Variants in TBL1XR1 observed in about 807,000 individuals in gnomAD.
TBL1XR1 encodes F-box-like/WD repeat-containing protein TBL1XR1.
In TBL1XR1, 5 loss-of-function variants were observed where a neutral mutation model predicts 66.9. That is an observed-to-expected ratio of 0.07 (90% CI 0.04 to 0.16). The LOEUF is 0.16. Ranked by LOEUF, TBL1XR1 falls within the 10% of genes least tolerant of loss-of-function variation. The probability of loss-of-function intolerance (pLI) is 1.00; values close to 1 mark genes in which losing one functional copy is unlikely to be tolerated. For missense variants in TBL1XR1, 238 were observed against 623.2 expected, an observed-to-expected ratio of 0.38 and a Z score of 6.58; for synonymous variants, 210 against 206.0, an observed-to-expected ratio of 1.02 and a Z score of -0.17.
intron 1 of TBL1XR1, among the ~76,000 whole-genome samples, chr3:177,117,897 T>C (rs1042825537): frequency 3.9e-5 from 6 of 152,176 alleles, no homozygotes; most frequent in Non-Finnish European, 7.4e-5. Context: ...CAATAACCAC[T>C]GAACATTCTG....
intron 1 of TBL1XR1, among the ~76,000 whole-genome samples, chr3:177,189,687 G>A (rs1186282951): frequency 2.2e-5 from 3 of 137,960 alleles, no homozygotes; most frequent in African/African-American, 3.1e-5. Context: ...CACCAAATTA[G>A]TTGCCTTTAT....
chr3:177,076,117 G>A (rs1268363163), intron 2 of TBL1XR1, among the ~76,000 whole-genome samples: 3 of 152,206 alleles, frequency 2.0e-5, no homozygotes, highest in Non-Finnish European at 4.4e-5. Context: ...TTCTGGCCAT[G>A]TCCTCCTCAT....
intron 1 of TBL1XR1, among the ~76,000 whole-genome samples, chr3:177,176,121 G>T (rs147093324): frequency 6.6e-6 from 1 of 151,718 alleles, no homozygotes. Context: ...TGATATCTGG[G>T]GGAAAATTTA....
chr3:177,035,134 C>G lies in TBL1XR1; in HGVS notation c.1123-809G>C, dbSNP rs561073848. Reference sequence around the variant, plus strand: ...TTTGGTGCCCTATGTATTTACAACCCCAAGTAAAATAAATCTGAACGACAT... The same window carrying G: ...TTTGGTGCCCTATGTATTTACAACCGCAAGTAAAATAAATCTGAACGACAT... On this transcript the variant is annotated intron_variant, in intron 12 of 15. Coordinates refer to ENST00000457928, the MANE Select transcript of TBL1XR1 (RefSeq NM_024665.7). 5.9e-5 allele frequency among the ~76,000 whole-genome samples: 9 copies of G among 152,170 alleles called. No individual in the cohort carries two copies. The East Asian group carries it at 1.7e-3, about 29-fold the overall frequency.
In TBL1XR1 at chr3:177,157,050, A is replaced by G. The variant is rs116214329; in HGVS notation, c.-122+40071T>C. 8.5e-3 allele frequency among the ~76,000 whole-genome samples: 1,302 copies of G among 152,282 alleles called. 20 individuals are homozygous for G. The highest frequency in any genetic ancestry group is 0.03 in the African/African-American group (1,249 of 41,550). Reference sequence around the variant, plus strand: ...CTAAAATGAAGGTGTAAACAGGTGTAATCATTCCTCTCTGGGCCAGGCACA... The same window carrying G: ...CTAAAATGAAGGTGTAAACAGGTGTGATCATTCCTCTCTGGGCCAGGCACA... On this transcript the variant is annotated intron_variant, in intron 1 of 15. Coordinates refer to ENST00000457928, the MANE Select transcript of TBL1XR1 (RefSeq NM_024665.7).
chr3:177,053,103 C>CACAAAACAAA (rs549067290), intron 4 of TBL1XR1, among the ~76,000 whole-genome samples: 1 of 152,086 alleles, frequency 6.6e-6, no homozygotes, highest in African/African-American at 2.4e-5. Context: ...TTCCGTCACA[C>CACAAAACAAA]ACAAAACAAA....
intron 1 of TBL1XR1, among the ~76,000 whole-genome samples, chr3:177,157,867 A>G (rs1161439441): frequency 6.6e-6 from 1 of 152,220 alleles, no homozygotes; most frequent in Non-Finnish European, 1.5e-5. Context: ...TGGTAGTTGC[A>G]CAGGTATATA....
chr3:177,190,759 A>G (rs1736042293), intron 1 of TBL1XR1, among the ~76,000 whole-genome samples: 1 of 151,734 alleles, frequency 6.6e-6, no homozygotes, highest in Non-Finnish European at 1.5e-5. Context: ...AGATGCTGCC[A>G]CATTACAGTG....
In TBL1XR1 at chr3:177,048,598, A is replaced by C. The variant is rs546741995; in HGVS notation, c.703-1049T>G. On this transcript the variant is annotated intron_variant, in intron 7 of 15. Coordinates refer to ENST00000457928, the MANE Select transcript of TBL1XR1 (RefSeq NM_024665.7). ...AAGTCAACAGTAAAAGCTTATTTCC[A>C]CATCCTACACAATGTCAAGTTTCCT... 1.3e-3 allele frequency among the ~76,000 whole-genome samples: 203 copies of C among 152,296 alleles called. 1 individual carries two copies. Among genetic ancestry groups the C allele is most frequent in the South Asian group, 9.3e-3 (45 of 4,826 alleles).
intron 1 of TBL1XR1, among the ~76,000 whole-genome samples, chr3:177,117,085 T>C (rs1351981238): frequency 6.6e-6 from 1 of 152,142 alleles, no homozygotes; most frequent in Admixed American, 6.5e-5. Flanking sequence ...ATACTGAATA[T>C]AAATGAGAAG....
intron 1 of TBL1XR1, among the ~76,000 whole-genome samples, chr3:177,142,811 T>A (rs768620056): frequency 2.0e-5 from 3 of 152,164 alleles, no homozygotes; most frequent in Non-Finnish European, 2.9e-5. Context: ...ATTTGCCTGC[T>A]TGCACCAAAA....
At chr3:177,035,846 T>G (rs575177300) in intron 12 of TBL1XR1, among the ~76,000 whole-genome samples, 4 of 152,146 alleles carry the variant, frequency 2.6e-5, no homozygotes, top group Non-Finnish European at 5.9e-5. Context: ...CCTGGAGAGT[T>G]CTGTAAACAG....
At position 177,034,220 on chromosome 3, in the gene TBL1XR1, T is replaced by G. The variant is rs954146086; in HGVS notation, c.1228A>C (p.Asn410His). The G allele has an allele frequency of 2.5e-6, 4 of 1,601,460 alleles. No individual in the cohort carries two copies. The African/African-American group carries it at 4.0e-5, about 16-fold the overall frequency. Residue 410 changes from asparagine to histidine, a missense_variant, in exon 13 of 16, where the codon AAT becomes CAT. Around this residue, in one of 8 missense-constraint regions of TBL1XR1, gnomAD observed 89 missense variants for 220.2 expected, o/e 0.40. Transcript: ENST00000457928. The part of the protein sequence containing the change: ...SPTGPGTNNP[N>H]ANLMLASASF... ...CACCTTGCTAACATAAGGTTGGCAT[T>G]TGGATTATTAGTCCCTGGTCCTGTT...
intron 1 of TBL1XR1, among the ~76,000 whole-genome samples, chr3:177,132,618 T>C (rs1337953240): frequency 1.3e-5 from 2 of 152,014 alleles, no homozygotes; most frequent in Admixed American, 1.3e-4. Context: ...TAGTGGAAAG[T>C]CATAGAGACA....
intron 1 of TBL1XR1, among the ~76,000 whole-genome samples, chr3:177,123,549 A>C (rs1364540062): frequency 6.6e-6 from 1 of 150,684 alleles, no homozygotes; most frequent in Non-Finnish European, 1.5e-5. Context: ...ATCTCACTTC[A>C]AAGAAAAAAG....
At chr3:177,055,809 C>T (rs935788415) in intron 3 of TBL1XR1, among the ~76,000 whole-genome samples, 3 of 152,104 alleles carry the variant, frequency 2.0e-5, no homozygotes, top group East Asian at 3.8e-4. Context: ...AACAGCCAAA[C>T]GCCAAGCAGC....
At chr3:177,102,849 A>C (rs1352591921) in intron 1 of TBL1XR1, among the ~76,000 whole-genome samples, 1 of 152,190 alleles carries the variant, frequency 6.6e-6, no homozygotes, top group Non-Finnish European at 1.5e-5. Context: ...CCATCCAGAG[A>C]GAGAAATGAG....
intron 1 of TBL1XR1, among the ~76,000 whole-genome samples, chr3:177,120,952 A>G (rs1395485239): frequency 6.6e-6 from 1 of 152,236 alleles, no homozygotes; most frequent in Admixed American, 6.5e-5. Flanking sequence ...TTAAATTTAT[A>G]CAATTATTAT....
chr3:177,082,762 A>ATATATATATATATATATATG, intron 2 of TBL1XR1, among the ~76,000 whole-genome samples: 1 of 131,830 alleles, frequency 7.6e-6, no homozygotes, highest in South Asian at 2.5e-4. Flanking sequence ...ATATATATAT[A>ATATATATATATATATATATG]TATATGAATA....
Sources: gnomAD v4.1 joint callset for allele counts (sites outside exome capture counted in the v4.1 genomes callset) on GRCh38, gnomAD v4.1.1 for gene constraint, gnomAD v4.1.1 regional missense constraint, MANE v1.5 for transcripts, NCBI Gene and HGNC (gene_info 2026-07-23, HGNC 2026-07-21) for gene names.